Variants in KDSR observed in about 807,000 individuals in gnomAD.
The protein encoded by KDSR is 3-ketodihydrosphingosine reductase.
Under a neutral mutation model 41.3 loss-of-function variants are expected in KDSR, and 23 were observed. That is an observed-to-expected ratio of 0.56 (90% CI 0.40 to 0.79). KDSR has a LOEUF of 0.79. Ranked by LOEUF, KDSR falls within the 30% of genes least tolerant of loss-of-function variation. The pLI, the probability that KDSR is intolerant of heterozygous loss-of-function variation, is 0.00. For synonymous variants in KDSR, 138 were observed against 151.7 expected (o/e 0.91, Z 0.66); for missense variants, 351 against 416.8 (o/e 0.84, Z 1.37).
intron 9 of KDSR, 148 bp downstream of exon 9, chr18:63,335,109 G>C (rs1186814127): frequency 1.7e-6 from 1 of 582,148 alleles, no homozygotes; most frequent in Non-Finnish European, 3.1e-6. Flanking sequence ...CCTGGTGGAG[G>C]AAGAGGAAAA....
At chr18:63,359,910 A>C (rs1044571722) in intron 2 of KDSR, 118 bp from the exon 3 acceptor site, 8 of 725,496 alleles carry the variant, frequency 1.1e-5, no homozygotes, top group Non-Finnish European at 2.0e-5. Context: ...CAGAAAACAC[A>C]CAAAACAGTA....
chr18:63,355,700 T>G, intron 3 of KDSR, 137 bp from the exon 4 acceptor site: 1 of 1,261,620 alleles, frequency 7.9e-7, no homozygotes, highest in Non-Finnish European at 1.0e-6. Context: ...TGTTTGCTGA[T>G]GATGCAATTA....
intron 3 of KDSR, among the ~76,000 whole-genome samples, chr18:63,358,563 G>A (rs899547058): frequency 3.3e-5 from 5 of 152,060 alleles, no homozygotes; most frequent in Non-Finnish European, 7.4e-5. Flanking sequence ...CATAATCACA[G>A]GACTTTGGGA....
rs117009638 is a variant in KDSR, at chr18:63,337,710, C to T, written c.777+1090G>A. On this transcript the variant is annotated intron_variant, in intron 8 of 9. Transcript: ENST00000645214. ...AAGAGGCTGAGGCGTGCGGATTACC[C>T]GAAATCAGGAGTTCGAGACCAGCCT... Among the ~76,000 whole-genome samples, 415 of 152,194 alleles carry T rather than the reference C, an allele frequency of 2.7e-3. 13 individuals carry two copies. In the East Asian group the frequency reaches 0.072, roughly 26 times the overall value.
chr18:63,327,920 A>G lies in KDSR; in HGVS notation c.*3862T>C, dbSNP rs1391701860. On this transcript the variant is annotated 3_prime_UTR_variant, in exon 10 of 10. Transcript: ENST00000645214. ...TTATCACATCAAGCAAGTGTAAAAT[A>G]TAATAGCTACTATCTCCCCTTCAAA... The G allele has an allele frequency of 4.9e-6, 1 of 202,626 alleles. No individual in the cohort carries two copies. Among genetic ancestry groups the G allele is most frequent in the African/African-American group, 2.3e-5 (1 of 43,522 alleles). 12.6% of individuals were successfully genotyped at this position (202,626 alleles called of 1,614,324 possible).
chr18:63,333,920 G>A (rs185123489), intron 9 of KDSR, among the ~76,000 whole-genome samples: 3 of 152,332 alleles, frequency 2.0e-5, no homozygotes, highest in African/African-American at 7.2e-5. Flanking sequence ...GATCTCTGAC[G>A]TGAGGGACAG....
At position 63,342,310 on chromosome 18, in the gene KDSR, C is replaced by T. The variant is rs527890531; in HGVS notation, c.693+2100G>A. 2.3e-4 allele frequency among the ~76,000 whole-genome samples: 35 copies of T among 151,692 alleles called. 1 individual carries two copies. In the South Asian group the frequency reaches 5.9e-3, roughly 25 times the overall value. On this transcript the variant is annotated intron_variant, in intron 7 of 9. Transcript: ENST00000645214. ...GCTCCACCAAAATGAGCAGATAAACCAAAAAAGTGAGAGTCATGGGCTCCG... is the reference window on the plus strand; with the variant it reads ...GCTCCACCAAAATGAGCAGATAAACTAAAAAAGTGAGAGTCATGGGCTCCG...
chr18:63,360,667 A>G lies in KDSR; in HGVS notation c.199-875T>C, dbSNP rs1356426180. On this transcript the variant is annotated intron_variant, in intron 2 of 9. Coordinates refer to ENST00000645214, the MANE Select transcript of KDSR (RefSeq NM_002035.4). ...GGAGGCCAAGGTGAGTGGATCACCC[A>G]AGCTCAGGAGTTTGAGACCAGCCTG... Among the ~76,000 whole-genome samples the G allele has an allele frequency of 1.4e-4, 22 of 152,060 alleles. 1 individual carries two copies. The highest frequency in any genetic ancestry group is 1.4e-3 in the Admixed American group (22 of 15,244).
intron 1 of KDSR, chr18:63,366,459 C>T (rs1480898576): frequency 2.0e-5 from 3 of 152,910 alleles, no homozygotes; most frequent in African/African-American, 4.8e-5. Flanking sequence ...CCAGGTGAGT[C>T]ACTTCCTGGA....
chr18:63,361,748 G>A (rs1182407898), intron 2 of KDSR, among the ~76,000 whole-genome samples: 1 of 152,184 alleles, frequency 6.6e-6, no homozygotes, highest in Non-Finnish European at 1.5e-5. Flanking sequence ...CCAGGAGGCA[G>A]AGGTTGCAGT....
rs370625680 is a variant in KDSR at position 63,347,298 on chromosome 18, C to T, written c.610-2805G>A. Among the ~76,000 whole-genome samples the T allele has an allele frequency of 6.6e-5, 10 of 151,996 alleles. 1 individual carries two copies. The highest frequency in any genetic ancestry group is 3.3e-4 in the Admixed American group (5 of 15,242). On this transcript the variant is annotated intron_variant, in intron 6 of 9. Transcript: ENST00000645214. ...GCAGGCAGATCACCTGAGTTCAAGACCAGCCTGGCCAACATGGTGAAACCC... is the reference window on the plus strand; with the variant it reads ...GCAGGCAGATCACCTGAGTTCAAGATCAGCCTGGCCAACATGGTGAAACCC...
intron 2 of KDSR, among the ~76,000 whole-genome samples, chr18:63,360,539 C>G (rs759932891): frequency 6.6e-6 from 1 of 152,114 alleles, no homozygotes; most frequent in African/African-American, 2.4e-5. Context: ...ACTAAAGATA[C>G]ATACAGCTTG....
chr18:63,341,246 C>CA (rs1046011527), intron 7 of KDSR, among the ~76,000 whole-genome samples: 5 of 151,548 alleles, frequency 3.3e-5, no homozygotes, highest in African/African-American at 1.2e-4. Flanking sequence ...ACAACAGCAA[C>CA]AAAAAAACAA....
At chr18:63,343,219 T>G (rs1415454927) in intron 7 of KDSR, among the ~76,000 whole-genome samples, 1 of 150,876 alleles carries the variant, frequency 6.6e-6, no homozygotes, top group African/African-American at 2.4e-5. Flanking sequence ...GCTGGAACAA[T>G]TCTAATTTTG....
chr18:63,366,649 G>C (rs1915146937), intron 1 of KDSR: 1 of 188,470 alleles, frequency 5.3e-6, no homozygotes, highest in Admixed American at 6.2e-5. Flanking sequence ...CAGCCTCTCT[G>C]TGCCTCAGTT....
rs1220966280 is a variant in KDSR, at chr18:63,329,440, T to C, written c.*2342A>G. ...AAGTCAGATTTTGCTGCCAAATGAA[T>C]TACGGTATCAAATTTAGAAAAACAC... On this transcript the variant is annotated 3_prime_UTR_variant, in exon 10 of 10. Coordinates refer to ENST00000645214, the MANE Select transcript of KDSR (RefSeq NM_002035.4). 4 of 207,872 alleles carry C rather than the reference T, an allele frequency of 1.9e-5. No homozygotes were observed. The East Asian group carries it at 2.9e-4, about 15-fold the overall frequency. 12.9% of individuals were successfully genotyped at this position (207,872 alleles called of 1,614,324 possible).
intron 6 of KDSR, among the ~76,000 whole-genome samples, chr18:63,349,242 G>C (rs1450491111): frequency 6.6e-6 from 1 of 152,038 alleles, no homozygotes; most frequent in Non-Finnish European, 1.5e-5. Flanking sequence ...AATTAGCCAG[G>C]CATGGTAGTG....
Position 63,367,129 on chromosome 18 carries a change from G to A in KDSR, c.-11C>T. On this transcript the variant is annotated 5_prime_UTR_variant, in exon 1 of 10. Coordinates refer to ENST00000645214, the MANE Select transcript of KDSR (RefSeq NM_002035.4). ...AGCCAGCAGCAGCATCGCTCCGCGG[G>A]GCCAGGGGCCCGGAGCGGCCGGGCG... 7.6e-7 allele frequency: 1 copy of A among 1,307,652 alleles called. No homozygotes were observed. Among genetic ancestry groups the A allele is most frequent in the South Asian group, 3.3e-5 (1 of 30,400 alleles). 81.0% of individuals were successfully genotyped at this position (1,307,652 alleles called of 1,614,324 possible).
intron 7 of KDSR, among the ~76,000 whole-genome samples, chr18:63,343,340 G>A: frequency 6.7e-6 from 1 of 150,362 alleles, no homozygotes; most frequent in South Asian, 2.1e-4. Context: ...GATTACAGGT[G>A]TGAGACACCA....
Sources: allele counts gnomAD v4.1 joint callset (sites outside exome capture counted in the v4.1 genomes callset), GRCh38; gene constraint gnomAD v4.1.1; transcripts MANE v1.5; gene names NCBI Gene and HGNC (gene_info 2026-07-23, HGNC 2026-07-21).